SLC12A7: variants seen among roughly 807,000 people sequenced by gnomAD.
SLC12A7 encodes solute carrier family 12 member 7.
Under a neutral mutation model 120.6 loss-of-function variants are expected in SLC12A7, and 100 were observed. The ratio of observed to expected loss-of-function variants is 0.83; its 90% CI spans 0.71 to 0.98. The LOEUF is 0.98. Ranked by LOEUF, SLC12A7 falls within the 50% of genes least tolerant of loss-of-function variation. SLC12A7 has a pLI of 0.00. For missense variants in SLC12A7, 1,373 were observed against 1,548.1 expected, an observed-to-expected ratio of 0.89 and a Z score of 1.90; for synonymous variants, 760 against 678.0, an observed-to-expected ratio of 1.12 and a Z score of -1.88.
chr5:1,095,340 C>T (rs1306822553), intron 1 of SLC12A7, among the ~76,000 whole-genome samples: 4 of 152,238 alleles, frequency 2.6e-5, no homozygotes, highest in African/African-American at 4.8e-5. Flanking sequence ...ACAGCCTGCC[C>T]GGGACCCCTG....
Position 1,085,271 on chromosome 5 carries a change from G to A in SLC12A7, c.878C>T (p.Ala293Val), listed in dbSNP as rs1177941341. Residue 293 changes from alanine (A) to valine (V), a missense_variant, in exon 7 of 24, where the codon GCC becomes GTC. By Grantham distance (64) the Ala-to-Val change is moderately conservative (BLOSUM62 0). Transcript: ENST00000264930. ...CVVLSILAIY[A>V]GVIKSAFDPP... ...GTCGAAGGCAGACTTGATGACGCCG[G>A]CATAGATGGCCAGGATGGACAGCAC... 20 of 1,612,384 alleles carry A rather than the reference G, an allele frequency of 1.2e-5. No homozygotes were observed. Among genetic ancestry groups the A allele is most frequent in the Non-Finnish European group, 1.7e-5 (20 of 1,179,816 alleles).
At position 1,111,909 on chromosome 5, in the gene SLC12A7, G is replaced by A; in HGVS notation, c.83C>T (p.Pro28Leu). The A allele has an allele frequency of 1.6e-6, 2 of 1,248,738 alleles. No homozygotes were observed. The highest frequency in any genetic ancestry group is 1.0e-6 in the Non-Finnish European group (1 of 994,526). 77.4% of individuals were successfully genotyped at this position (1,248,738 alleles called of 1,614,324 possible). Residue 28 changes from proline (P) to leucine (L), a missense_variant, in exon 1 of 24, where the codon CCG becomes CTG. By Grantham distance (98) the Pro-to-Leu change is moderately conservative (BLOSUM62 -3). Transcript: ENST00000264930. The part of the protein sequence containing the change: ...GDETAERTEA[P>L]GTPEGPEPER... Reference sequence around the variant, plus strand: ...GGGCTCGGGGCCCTCGGGGGTGCCCGGAGCCTCCGTCCGCTCGGCAGTCTC... The same window carrying A: ...GGGCTCGGGGCCCTCGGGGGTGCCCAGAGCCTCCGTCCGCTCGGCAGTCTC...
intron 20 of SLC12A7, among the ~76,000 whole-genome samples, 153 bp downstream of exon 20, chr5:1,063,691 T>C (rs1268310401): frequency 3.3e-5 from 1 of 30,278 alleles, no homozygotes; most frequent in African/African-American, 1.3e-4. Flanking sequence ...GATCTCCACT[T>C]CCCCCTCCAC....
At chr5:1,119,597 G>A in the SLC12A7 span, among the ~76,000 whole-genome samples, 1 of 152,204 alleles carries the variant, frequency 6.6e-6, no homozygotes, top group Admixed American at 6.5e-5. Flanking sequence ...CCTGACCGTC[G>A]GGCAGCGACC....
Position 1,077,891 on chromosome 5 carries a change from G to C in SLC12A7, c.1571C>G (p.Thr524Arg). The C allele has an allele frequency of 6.3e-7, 1 of 1,598,750 alleles. No homozygotes were observed. The highest frequency in any genetic ancestry group is 1.1e-5 in the South Asian group (1 of 88,816). ...GGCCTGCAGTAGGCGCGGTGCCCCC[G>C]TGAGGCTCTGCAGGCCGGCACCGCA... ...STCGAGLQSL[T>R]GAPRLLQAIA... The change falls in exon 12 of 24, where the codon ACG becomes AGG. Residue 524 changes from threonine (T) to arginine (R), a missense_variant. Thr to Arg is a moderately conservative substitution (Grantham distance 71). Transcript: ENST00000264930.
chr5:1,110,480 G>A lies in SLC12A7; in HGVS notation c.124+1388C>T, dbSNP rs370074838. 2.6e-5 allele frequency among the ~76,000 whole-genome samples: 4 copies of A among 152,246 alleles called. No individual in the cohort carries two copies. The East Asian group carries it at 5.8e-4, about 22-fold the overall frequency. On this transcript the variant is annotated intron_variant, in intron 1 of 23. Transcript: ENST00000264930. ...GTAGAAGAGACAAGAAAACGAACAA[G>A]CACAAAATTCTCTCTGGCTTAAAAG...
At chr5:1,074,815 G>A (rs1274618143) in intron 15 of SLC12A7, 144 bp from the exon 16 acceptor site, 8 of 703,148 alleles carry the variant, frequency 1.1e-5, no homozygotes, top group African/African-American at 3.6e-5. Flanking sequence ...AGGCCTCCAT[G>A]CCCACCCTTG....
At chr5:1,149,912 T>C in the SLC12A7 span, among the ~76,000 whole-genome samples, 17 of 151,786 alleles carry the variant, frequency 1.1e-4, no homozygotes, top group South Asian at 2.1e-4. Context: ...CGCCTGCAAT[T>C]CCAGTTACTC....
At chr5:1,133,312 T>G in the SLC12A7 span, among the ~76,000 whole-genome samples, 14 of 151,816 alleles carry the variant, frequency 9.2e-5, no homozygotes, top group African/African-American at 2.7e-4. Context: ...GGGCAAGAGC[T>G]CCCCCCAACC....
In SLC12A7 at chr5:1,055,374, C is replaced by T. The variant is rs868360296; in HGVS notation, c.3027-1892G>A. Among the ~76,000 whole-genome samples the T allele has an allele frequency of 2.6e-5, 4 of 152,148 alleles. No homozygotes were observed. The South Asian group carries it at 6.2e-4, about 24-fold the overall frequency. ...CGGCAGGTGCGCTGACAGGTACATG[C>T]GAGCACGCACACAAACAGACATCCG... On this transcript the variant is annotated intron_variant, in intron 22 of 23. Transcript: ENST00000264930.
chr5:1,109,328 C>T (rs1432818028), intron 1 of SLC12A7, among the ~76,000 whole-genome samples: 2 of 152,320 alleles, frequency 1.3e-5, no homozygotes, highest in Admixed American at 6.5e-5. Context: ...TTACAAAACC[C>T]ACTCTACCCT....
At chr5:1,088,439 A>C in intron 4 of SLC12A7, 79 bp from the exon 5 acceptor site, 1 of 1,454,152 alleles carries the variant, frequency 6.9e-7, no homozygotes, top group Non-Finnish European at 9.4e-7. Flanking sequence ...GTCAGGGTCT[A>C]TGACCCGGCT....
At chr5:1,150,263 T>C in the SLC12A7 span, among the ~76,000 whole-genome samples, 1 of 152,152 alleles carries the variant, frequency 6.6e-6, no homozygotes, top group Admixed American at 6.5e-5. Flanking sequence ...TTTTAGTCTG[T>C]GCTTGTAGTT....
At chr5:1,100,878 C>T (rs1013530649) in intron 1 of SLC12A7, among the ~76,000 whole-genome samples, 14 of 152,184 alleles carry the variant, frequency 9.2e-5, no homozygotes, top group African/African-American at 2.7e-4. Flanking sequence ...CGTTGGATCC[C>T]GGATGTGTCC....
chr5:1,148,702 C>T, the SLC12A7 span, among the ~76,000 whole-genome samples: 5 of 152,194 alleles, frequency 3.3e-5, no homozygotes, highest in African/African-American at 4.8e-5. Context: ...TACAGGGACA[C>T]GGAACAGAAG....
At chr5:1,068,085 T>C (rs1335196784) in intron 17 of SLC12A7, among the ~76,000 whole-genome samples, 1 of 152,230 alleles carries the variant, frequency 6.6e-6, no homozygotes, top group Non-Finnish European at 1.5e-5. Context: ...TGAGCCTCCC[T>C]GGCGACTGCA....
intron 8 of SLC12A7, among the ~76,000 whole-genome samples, chr5:1,082,120 G>A (rs993238940): frequency 1.9e-4 from 27 of 143,434 alleles, no homozygotes; most frequent in African/African-American, 5.8e-4. Context: ...TGGAAAGTCC[G>A]GGCTTCCCCG....
chr5:1,074,671 C>T lies in SLC12A7; in HGVS notation c.1968G>A (p.Gly656=), dbSNP rs1280641264. 3 of 1,612,434 alleles carry T rather than the reference C, an allele frequency of 1.9e-6. No individual in the cohort carries two copies. The highest frequency in any genetic ancestry group is 3.3e-5 in the Admixed American group (2 of 59,988). The part of the protein sequence containing the change: ...GCIYKYIEYR[G]AEKEWGDGIR... ...TGCCATCGCCCCACTCCTTCTCGGCCCTGTGGGAAAGGAAGTCGGGGTTTG... is the reference window on the plus strand; with the variant it reads ...TGCCATCGCCCCACTCCTTCTCGGCTCTGTGGGAAAGGAAGTCGGGGTTTG... Residue 656 remains glycine (G), a splice_region_variant and synonymous_variant, in exon 16 of 24, where the codon GGG becomes GGA. Coordinates refer to ENST00000264930, the MANE Select transcript of SLC12A7 (RefSeq NM_006598.3).
chr5:1,115,832 A>G (rs1743295819), upstream of SLC12A7, among the ~76,000 whole-genome samples: 1 of 149,380 alleles, frequency 6.7e-6, no homozygotes, highest in African/African-American at 2.5e-5. Context: ...GAGGGGAGGA[A>G]GGAGAATCGG....
Sources: allele counts gnomAD v4.1 joint callset (sites outside exome capture counted in the v4.1 genomes callset), GRCh38; gene constraint gnomAD v4.1.1; transcripts MANE v1.5; gene names NCBI Gene and HGNC (gene_info 2026-07-23, HGNC 2026-07-21).